Variants in ADGRL3 observed in about 807,000 individuals in gnomAD.
ADGRL3 encodes the protein calcium-independent alpha-latrotoxin receptor 3.
ADGRL3 carries 62 observed loss-of-function variants against 153.5 expected under a neutral mutation model. The ratio of observed to expected loss-of-function variants is 0.40; its 90% CI spans 0.33 to 0.50. The LOEUF is 0.50. Among genes scored for constraint, ADGRL3 ranks in the 20% least tolerant of loss-of-function variants. ADGRL3 has a pLI of 0.47. For missense variants in ADGRL3, 1,641 were observed against 1,859.4 expected, an observed-to-expected ratio of 0.88 and a Z score of 2.16; for synonymous variants, 710 against 672.5, an observed-to-expected ratio of 1.06 and a Z score of -0.86.
At chr4:61,915,932 T>C (rs1025430174) in intron 13 of ADGRL3, among the ~76,000 whole-genome samples, 8 of 152,198 alleles carry the variant, frequency 5.3e-5, no homozygotes, top group African/African-American at 1.9e-4. Context: ...ATATAGCCTT[T>C]TCATAAGCGC....
intron 5 of ADGRL3, among the ~76,000 whole-genome samples, chr4:61,666,753 T>A (rs1033218777): frequency 6.6e-6 from 1 of 152,158 alleles, no homozygotes; most frequent in African/African-American, 2.4e-5. Flanking sequence ...CTTTATTTGC[T>A]GCACTTTCAG....
chr4:61,582,979 C>T (rs80344867), intron 4 of ADGRL3, among the ~76,000 whole-genome samples: 1,650 of 152,130 alleles, frequency 0.011, 26 homozygotes, highest in African/African-American at 0.037. Context: ...ATTCTAGACT[C>T]GTGAATTCAA....
chr4:61,856,789 G>T (rs965128242), intron 9 of ADGRL3, among the ~76,000 whole-genome samples: 19 of 151,010 alleles, frequency 1.3e-4, no homozygotes, highest in African/African-American at 4.6e-4. Flanking sequence ...ATTTTTAGTA[G>T]AGATGAGTTT....
intron 1 of ADGRL3, among the ~76,000 whole-genome samples, chr4:61,243,636 AATG>A (rs1755868466): frequency 6.6e-6 from 1 of 151,996 alleles, no homozygotes; most frequent in Non-Finnish European, 1.5e-5. Context: ...TTTTGGTTCT[AATG>A]TTGGCTTTTC....
chr4:61,923,562 A>T (rs1342225623), intron 13 of ADGRL3, among the ~76,000 whole-genome samples: 6 of 152,118 alleles, frequency 3.9e-5, no homozygotes, highest in African/African-American at 1.4e-4. Flanking sequence ...AAATACTTTC[A>T]GTGCGTGTCT....
chr4:61,941,222 G>C lies in ADGRL3; in HGVS notation c.2419+5177G>C, dbSNP rs1375511774. The stretch of plus-strand genomic sequence containing the variant: ...CCCATTGCTTGTTTTTCTCAGGTTT[G>C]TGAAAGATCAGATAGTTGTAGATAT... On this transcript the variant is annotated intron_variant, in intron 15 of 26. Transcript: ENST00000683033. 1.0e-4 allele frequency among the ~76,000 whole-genome samples: 12 copies of C among 118,676 alleles called. 1 individual carries two copies. The highest frequency in any genetic ancestry group is 7.7e-3 in the Middle Eastern group (2 of 260). The allele number at this position is 118,676 out of a possible 152,430, so 77.9% of individuals were successfully genotyped here. A position where few individuals can be genotyped will look rare whatever the true frequency, so the allele number is the denominator to read the frequency against.
At chr4:61,453,839 C>A (rs569504338) in intron 2 of ADGRL3, among the ~76,000 whole-genome samples, 1 of 152,138 alleles carries the variant, frequency 6.6e-6, no homozygotes, top group East Asian at 1.9e-4. Flanking sequence ...CTTCTAGCTT[C>A]TTTAATTAAT....
At chr4:61,278,937 G>C (rs1053444092) in intron 1 of ADGRL3, among the ~76,000 whole-genome samples, 6 of 152,186 alleles carry the variant, frequency 3.9e-5, no homozygotes, top group Admixed American at 1.3e-4. Context: ...TTGTATGTTT[G>C]CATGCAGGCA....
chr4:61,921,502 T>C (rs929537488), intron 13 of ADGRL3, among the ~76,000 whole-genome samples: 2 of 152,146 alleles, frequency 1.3e-5, no homozygotes, highest in African/African-American at 2.4e-5. Flanking sequence ...CACTGCAACC[T>C]CTGCCTCCCG....
At chr4:61,996,696 T>A (rs1258708117) in intron 20 of ADGRL3, among the ~76,000 whole-genome samples, 9 of 152,170 alleles carry the variant, frequency 5.9e-5, no homozygotes. Context: ...ATTTTTCTTT[T>A]GGATAATTTG....
intron 9 of ADGRL3, among the ~76,000 whole-genome samples, chr4:61,836,785 T>G (rs145139104): frequency 6.6e-6 from 1 of 152,256 alleles, no homozygotes; most frequent in East Asian, 1.9e-4. Context: ...TGGTTTCCAT[T>G]TATTCCGTCA....
rs372078957 is a variant in ADGRL3, at chr4:61,440,392, A to G, written c.-173-56729A>G. Among the ~76,000 whole-genome samples the G allele has an allele frequency of 1.2e-3, 178 of 152,232 alleles. 1 individual carries two copies. Among genetic ancestry groups the G allele is most frequent in the Middle Eastern group, 3.4e-3 (1 of 294 alleles). ...AATTTGTGGTTCTTGCGTTTTGACT[A>G]TTTTTGCTCCATAATTCGTTTTGGA... On this transcript the variant is annotated intron_variant, in intron 2 of 26. Coordinates refer to ENST00000683033, the MANE Select transcript of ADGRL3 (RefSeq NM_001387552.1).
intron 5 of ADGRL3, among the ~76,000 whole-genome samples, chr4:61,665,319 G>A (rs1304979764): frequency 6.6e-6 from 1 of 152,200 alleles, no homozygotes; most frequent in Non-Finnish European, 1.5e-5. Context: ...GCTGAGGCAA[G>A]GGAATTGGGT....
chr4:61,357,788 T>C (rs1470615341), intron 1 of ADGRL3, among the ~76,000 whole-genome samples: 3 of 152,080 alleles, frequency 2.0e-5, no homozygotes, highest in Non-Finnish European at 4.4e-5. Flanking sequence ...ATAAACTGAG[T>C]ATCTGAGAAG....
chr4:61,207,699 C>G (rs187359469), intron 1 of ADGRL3, among the ~76,000 whole-genome samples: 1 of 152,206 alleles, frequency 6.6e-6, no homozygotes, highest in African/African-American at 2.4e-5. Context: ...TCCATATCCT[C>G]TCCAGCACCT....
intron 2 of ADGRL3, chr4:61,420,610 G>T (rs559906355): frequency 6.6e-6 from 1 of 151,492 alleles, no homozygotes; most frequent in Admixed American, 6.6e-5. Flanking sequence ...GTTTCACCGT[G>T]TTAGCCAGGA....
intron 17 of ADGRL3, among the ~76,000 whole-genome samples, chr4:61,962,729 A>C (rs2150513143): frequency 6.6e-6 from 1 of 152,306 alleles, no homozygotes; most frequent in South Asian, 2.1e-4. Flanking sequence ...CACTTGGTTA[A>C]AAAGTTACAT....
At chr4:61,485,753 ATTT>A (rs2098184203) in intron 2 of ADGRL3, among the ~76,000 whole-genome samples, 1 of 152,164 alleles carries the variant, frequency 6.6e-6, no homozygotes, top group African/African-American at 2.4e-5. Flanking sequence ...TCTAGGCTTT[ATTT>A]TTAAGTCAGT....
chr4:61,248,502 A>G (rs1757958645), intron 1 of ADGRL3, among the ~76,000 whole-genome samples: 1 of 152,126 alleles, frequency 6.6e-6, no homozygotes, highest in Non-Finnish European at 1.5e-5. Context: ...CTAGGTTAAT[A>G]TTATAATATT....
Sources: gnomAD v4.1 joint callset for allele counts (sites outside exome capture counted in the v4.1 genomes callset) on GRCh38, gnomAD v4.1.1 for gene constraint, MANE v1.5 for transcripts, NCBI Gene and HGNC (gene_info 2026-07-23, HGNC 2026-07-21) for gene names.